The following SEC61A2 variants were observed in gnomAD, a reference collection of about 807,000 sequenced individuals.
SEC61A2 encodes the protein SEC61 translocon subunit alpha 2.
Under a neutral mutation model 59.9 loss-of-function variants are expected in SEC61A2, and 28 were observed. The observed-to-expected ratio is 0.47, with a 90% CI of 0.35 to 0.64. SEC61A2 has a LOEUF of 0.64. SEC61A2 is among the 30% of genes least tolerant of loss of function. SEC61A2 has a pLI of 0.01. For synonymous variants in SEC61A2, 202 were observed against 214.4 expected, an observed-to-expected ratio of 0.94 and a Z score of 0.50; for missense variants, 340 against 585.9, an observed-to-expected ratio of 0.58 and a Z score of 4.33.
Position 12,149,717 on chromosome 10 carries a change from GC to G in SEC61A2, c.346del (p.Gln116ArgfsTer6), listed in dbSNP as rs1268795596. 6.2e-7 allele frequency: 1 copy of G among 1,610,218 alleles called. No individual in the cohort carries two copies. The highest frequency in any genetic ancestry group is 2.2e-5 in the East Asian group (1 of 44,876). On this transcript the variant is annotated frameshift_variant, in exon 5 of 12. Transcript: ENST00000298428. LOFTEE classifies it high-confidence loss of function. This position sits in a 1 kb window ranked among gnomAD's most constrained non-coding sequence, Gnocchi z 5.2. Reference sequence around the variant, plus strand: ...GAAAGATAGAGCTTTATTCAATGGAGCCCAGAAACGTGAGCATTAATGCAAT... The same window carrying G: ...GAAAGATAGAGCTTTATTCAATGGAGCCAGAAACGTGAGCATTAATGCAAT... ...TPKDRALFNG[A>X]QKLFGMIITI...
chr10:12,167,804 T>C (rs1356761920), downstream of SEC61A2: 2 of 1,613,968 alleles, frequency 1.2e-6, no homozygotes, highest in East Asian at 2.2e-5. Context: ...GTTCTTCAGC[T>C]ACCAGAGCTG....
At position 12,155,205 on chromosome 10, in the gene SEC61A2, G is replaced by C. The variant is rs1588642547; in HGVS notation, c.463-573G>C. 2 of 681,138 alleles carry C rather than the reference G, an allele frequency of 2.9e-6. No homozygotes were observed. The highest frequency in any genetic ancestry group is 6.8e-5 in the East Asian group (2 of 29,302). 42.2% of individuals were successfully genotyped at this position (681,138 alleles called of 1,614,324 possible). On this transcript the variant is annotated intron_variant, in intron 6 of 11. Coordinates refer to ENST00000298428, the MANE Select transcript of SEC61A2 (RefSeq NM_018144.4). The surrounding 1 kb of genome is among the most constrained non-coding windows in gnomAD (Gnocchi z 4.3). Reference sequence around the variant, plus strand: ...TGTGTATAGAATGCATTTTTACATTGCTGCTCGAGTACGTATTTGAGTACA... The same window carrying C: ...TGTGTATAGAATGCATTTTTACATTCCTGCTCGAGTACGTATTTGAGTACA...
downstream of SEC61A2, chr10:12,167,415 A>T: frequency 3.1e-6 from 1 of 324,382 alleles, no homozygotes; most frequent in Non-Finnish European, 5.8e-6. Context: ...AGACTGGACT[A>T]GAAAAGTAAC....
At chr10:12,147,016 A>T (rs377221953) in intron 4 of SEC61A2, among the ~76,000 whole-genome samples, 1 of 152,042 alleles carries the variant, frequency 6.6e-6, no homozygotes, top group African/African-American at 2.4e-5. Flanking sequence ...TTAGCCTCCC[A>T]TGTAGCTGGG....
intron 6 of SEC61A2, among the ~76,000 whole-genome samples, chr10:12,151,503 G>T (rs1035030943): frequency 1.3e-5 from 2 of 151,344 alleles, no homozygotes; most frequent in South Asian, 4.2e-4. Flanking sequence ...GTAGAGACAG[G>T]GTTTCACCAT....
Position 12,145,803 on chromosome 10 carries a change from G to A in SEC61A2, c.220+2608G>A, listed in dbSNP as rs972885326. On this transcript the variant is annotated intron_variant, in intron 4 of 11. Coordinates refer to ENST00000298428, the MANE Select transcript of SEC61A2 (RefSeq NM_018144.4). This position sits in a 1 kb window ranked among gnomAD's most constrained non-coding sequence, Gnocchi z 4.4. The stretch of plus-strand genomic sequence containing the variant: ...AAGAAAAAACATTGTTTTAAATAAA[G>A]GAGAAAAATTAAGGAATAGGAAATC... Among the ~76,000 whole-genome samples the A allele has an allele frequency of 6.6e-6, 1 of 152,108 alleles. No individual in the cohort carries two copies. Among genetic ancestry groups the A allele is most frequent in the Non-Finnish European group, 1.5e-5 (1 of 68,024 alleles).
rs1260309831 is a variant in SEC61A2, at chr10:12,149,813, G to A, written c.353-39G>A. ...TTTCTCTAGTCTTTTCTTGTCTTTG[G>A]TGGTAAGCGTGCTCTCCTTTCCCCC... On this transcript the variant is annotated intron_variant, in intron 5 of 11. Coordinates refer to ENST00000298428, the MANE Select transcript of SEC61A2 (RefSeq NM_018144.4). The surrounding 1 kb of genome is among the most constrained non-coding windows in gnomAD (Gnocchi z 5.2). 6.2e-7 allele frequency: 1 copy of A among 1,608,334 alleles called. No individual in the cohort carries two copies. The highest frequency in any genetic ancestry group is 1.1e-5 in the South Asian group (1 of 90,674).
At chr10:12,139,900 C>T (rs946117267) in intron 3 of SEC61A2, among the ~76,000 whole-genome samples, 9 of 149,658 alleles carry the variant, frequency 6.0e-5, no homozygotes, top group Admixed American at 2.0e-4. Flanking sequence ...ACCCGGGAGG[C>T]GGAGCTTGCA....
intron 1 of SEC61A2, 122 bp from the exon 2 acceptor site, chr10:12,133,119 T>C (rs1189821407): frequency 5.4e-6 from 3 of 560,072 alleles, no homozygotes; most frequent in South Asian, 2.4e-5. Flanking sequence ...ATGATTTAAT[T>C]TGGGGCTTAA....
At chr10:12,167,990 A>G, downstream of SEC61A2, 11 of 1,191,920 alleles carry the variant, frequency 9.2e-6, no homozygotes, top group Non-Finnish European at 1.2e-5. Context: ...AGGCAAGATT[A>G]CATTCCTAGC....
upstream of SEC61A2, chr10:12,129,672 C>A: frequency 9.6e-7 from 1 of 1,040,848 alleles, no homozygotes; most frequent in Non-Finnish European, 1.4e-6. This position sits in a 1 kb window ranked among gnomAD's most constrained non-coding sequence, Gnocchi z 5.6. Flanking sequence ...TTGGGCGGAG[C>A]CTGCGCGGGG....
Position 12,157,936 on chromosome 10 carries a change from CG to C in SEC61A2, c.808del (p.Ala270ProfsTer48). 1 of 1,614,066 alleles carries C rather than the reference CG, an allele frequency of 6.2e-7. No individual in the cohort carries two copies. The highest frequency in any genetic ancestry group is 8.5e-7 in the Non-Finnish European group (1 of 1,180,018). ...QGFRVDLPIKSARYRGQYSSY... is the reference protein window; with the variant it reads ...QGFRVDLPIKXARYRGQYSSY... ...TTTCGCGTTGATCTGCCCATTAAGT[CG>C]GCCCGTTACCGAGGACAGTACAGCA... On this transcript the variant is annotated frameshift_variant, in exon 9 of 12. Transcript: ENST00000298428. LOFTEE classifies it high-confidence loss of function.
At chr10:12,148,895 G>A (rs10906087) in intron 4 of SEC61A2, among the ~76,000 whole-genome samples, 64 of 152,098 alleles carry the variant, frequency 4.2e-4, no homozygotes, top group African/African-American at 1.4e-3. Context: ...TATCTGAGAC[G>A]ACATCAAAAA....
chr10:12,145,220 G>T lies in SEC61A2; in HGVS notation c.220+2025G>T, dbSNP rs1266101217. 6.6e-6 allele frequency among the ~76,000 whole-genome samples: 1 copy of T among 151,984 alleles called. No homozygotes were observed. The highest frequency in any genetic ancestry group is 2.4e-5 in the African/African-American group (1 of 41,386). ...ATGGGAAACTTCTGCAGGCCACTAGGTTCCTTTCTTGTCATATATTACGTT... is the reference window on the plus strand; with the variant it reads ...ATGGGAAACTTCTGCAGGCCACTAGTTTCCTTTCTTGTCATATATTACGTT... On this transcript the variant is annotated intron_variant, in intron 4 of 11. Transcript: ENST00000298428. This position sits in a 1 kb window ranked among gnomAD's most constrained non-coding sequence, Gnocchi z 4.4.
At chr10:12,166,689 A>T (rs185370170), downstream of SEC61A2, 27 of 502,142 alleles carry the variant, frequency 5.4e-5, no homozygotes, top group East Asian at 1.6e-3. Flanking sequence ...CATCCTGAGA[A>T]TTCCGTGGGG....
At chr10:12,159,257 G>A (rs954874958) in intron 9 of SEC61A2, among the ~76,000 whole-genome samples, 2 of 152,098 alleles carry the variant, frequency 1.3e-5, no homozygotes, top group Admixed American at 6.5e-5. Context: ...GATTACAGGC[G>A]TGAGCCACCA....
chr10:12,135,651 C>G (rs1833866881), intron 2 of SEC61A2, among the ~76,000 whole-genome samples: 1 of 152,162 alleles, frequency 6.6e-6, no homozygotes, highest in Non-Finnish European at 1.5e-5. Context: ...TTCTGTCATT[C>G]CATATTCTAT....
At position 12,154,244 on chromosome 10, in the gene SEC61A2, C is replaced by A. The variant is rs780560997; in HGVS notation, c.463-1534C>A. 6.6e-6 allele frequency among the ~76,000 whole-genome samples: 1 copy of A among 152,112 alleles called. No individual in the cohort carries two copies. The highest frequency in any genetic ancestry group is 2.4e-5 in the African/African-American group (1 of 41,422). On this transcript the variant is annotated intron_variant, in intron 6 of 11. Transcript: ENST00000298428. The surrounding 1 kb of genome is among the most constrained non-coding windows in gnomAD (Gnocchi z 5.2). ...CTTTTATTCCCTTAATTATAGAAAC[C>A]GTTTCTCATTTCTGTATAATTTCTT...
intron 11 of SEC61A2, among the ~76,000 whole-genome samples, chr10:12,163,491 A>T (rs1025380073): frequency 2.0e-5 from 3 of 151,462 alleles, no homozygotes; most frequent in Non-Finnish European, 4.4e-5. Flanking sequence ...TGCCCGGCTA[A>T]TTTTTGTATT....
Sources: allele counts gnomAD v4.1 joint callset (sites outside exome capture counted in the v4.1 genomes callset), GRCh38; gene constraint gnomAD v4.1.1; non-coding constraint Gnocchi (gnomAD v3.1); transcripts MANE v1.5; gene names NCBI Gene and HGNC (gene_info 2026-07-23, HGNC 2026-07-21).